The following RUNX2 variants were observed in gnomAD, a reference collection of about 807,000 sequenced individuals.
RUNX2 encodes the protein runt-related transcription factor 2.
In RUNX2, 10 loss-of-function variants were observed where a neutral mutation model predicts 51.7. The observed-to-expected ratio is 0.19, with a 90% CI of 0.12 to 0.33. The LOEUF (loss-of-function observed/expected upper bound fraction) is 0.33. Among genes scored for constraint, RUNX2 ranks in the 10% least tolerant of loss-of-function variants. The pLI is 1.00. For synonymous variants in RUNX2, 276 were observed against 273.6 expected (o/e 1.01, Z -0.09); for missense variants, 562 against 691.3 (o/e 0.81, Z 2.10).
At chr6:45,437,518 A>C (rs1302436095) in intron 4 of RUNX2, among the ~76,000 whole-genome samples, 1 of 152,214 alleles carries the variant, frequency 6.6e-6, no homozygotes, top group Non-Finnish European at 1.5e-5. Flanking sequence ...AGTAAATAAC[A>C]TAATCAACAA....
intron 2 of RUNX2, among the ~76,000 whole-genome samples, chr6:45,404,281 G>GA (rs1797785520): frequency 8.1e-4 from 62 of 76,190 alleles, no homozygotes; most frequent in South Asian, 2.6e-3. Flanking sequence ...AAAAGAAAAA[G>GA]AAAAAAGAAA....
At chr6:45,383,740 A>C (rs1797290536) in intron 2 of RUNX2, among the ~76,000 whole-genome samples, 1 of 152,246 alleles carries the variant, frequency 6.6e-6, no homozygotes, top group Non-Finnish European at 1.5e-5. Context: ...CTATTTCAGT[A>C]AATTATTCAA....
chr6:45,512,324 C>A lies in RUNX2; in HGVS notation c.938C>A (p.Pro313Gln), dbSNP rs535706340. The change falls in exon 7 of 9, where the codon CCG (proline) becomes CAG (glutamine). Residue 313 changes from proline (P) to glutamine (Q), a missense_variant. By Grantham distance (76) the Pro-to-Gln change is moderately conservative. Transcript: ENST00000647337. ...YPSYLSQMTS[P>Q]SIHSTTPLSS... Reference sequence around the variant, plus strand: ...TCCTACCTGAGCCAGATGACGTCCCCGTCCATCCACTCTACCACCCCGCTG... The same window carrying A: ...TCCTACCTGAGCCAGATGACGTCCCAGTCCATCCACTCTACCACCCCGCTG... 5.6e-6 allele frequency: 9 copies of A among 1,614,006 alleles called. No homozygotes were observed. The highest frequency in any genetic ancestry group is 6.8e-6 in the Non-Finnish European group (8 of 1,180,026).
chr6:45,473,852 A>C (rs1270046407), intron 5 of RUNX2, among the ~76,000 whole-genome samples: 2 of 152,178 alleles, frequency 1.3e-5, no homozygotes, highest in Non-Finnish European at 2.9e-5. Flanking sequence ...TGTGGGAATG[A>C]ATGTCAAGTT....
chr6:45,419,788 T>C (rs1232389528), intron 2 of RUNX2, among the ~76,000 whole-genome samples: 1 of 152,086 alleles, frequency 6.6e-6, no homozygotes, highest in Admixed American at 6.5e-5. Flanking sequence ...TCTCGCACCC[T>C]GGCGGCGCCC....
Position 45,492,760 on chromosome 6 carries a change from C to T in RUNX2, c.859+646C>T, listed in dbSNP as rs115236942. Among the ~76,000 whole-genome samples, 979 of 152,208 alleles carry T rather than the reference C, an allele frequency of 6.4e-3. 6 individuals are homozygous for T. Among genetic ancestry groups the T allele is most frequent in the African/African-American group, 0.022 (915 of 41,522 alleles). ...CATTCACATTTGGTGCATTAAGACC[C>T]CCAACTCTTTTCTTTTTGTCCCACT... On this transcript the variant is annotated intron_variant, in intron 6 of 8. Coordinates refer to ENST00000647337, the MANE Select transcript of RUNX2 (RefSeq NM_001024630.4).
chr6:45,347,767 A>T (rs192736168), intron 2 of RUNX2, among the ~76,000 whole-genome samples: 3,303 of 146,572 alleles, frequency 0.023, 38 homozygotes, highest in African/African-American at 0.026. Context: ...TCTTTTTTTT[A>T]AAAAAAAAAG....
chr6:45,486,900 T>C (rs934871151), intron 5 of RUNX2, among the ~76,000 whole-genome samples: 5 of 152,194 alleles, frequency 3.3e-5, no homozygotes, highest in Non-Finnish European at 5.9e-5. Context: ...CGTGTGCCAG[T>C]TTCAGATGTG....
intron 2 of RUNX2, among the ~76,000 whole-genome samples, chr6:45,337,889 G>C (rs540840312): frequency 6.6e-6 from 1 of 151,908 alleles, no homozygotes; most frequent in Admixed American, 6.6e-5. Context: ...TAGAGAAAAA[G>C]TATATTTAAG....
chr6:45,543,322 CAAAGCCT>C (rs1802288414), intron 7 of RUNX2, among the ~76,000 whole-genome samples: 1 of 152,198 alleles, frequency 6.6e-6, no homozygotes, highest in African/African-American at 2.4e-5. Context: ...CACTGTTCAG[CAAAGCCT>C]AATAGCCGAA....
intron 2 of RUNX2, among the ~76,000 whole-genome samples, chr6:45,390,552 T>C (rs1043154940): frequency 1.4e-4 from 21 of 152,366 alleles, no homozygotes; most frequent in African/African-American, 5.1e-4. Context: ...AGTGCTTTAA[T>C]GTTGACATAA....
At chr6:45,519,388 G>A (rs1801429464) in intron 7 of RUNX2, among the ~76,000 whole-genome samples, 1 of 152,008 alleles carries the variant, frequency 6.6e-6, no homozygotes, top group Admixed American at 6.6e-5. Flanking sequence ...TTGATACATT[G>A]TTATGAAATA....
At chr6:45,528,149 A>G (rs1187927631) in intron 7 of RUNX2, among the ~76,000 whole-genome samples, 1 of 151,954 alleles carries the variant, frequency 6.6e-6, no homozygotes, top group African/African-American at 2.4e-5. Context: ...GAAGAGACCC[A>G]CCCCCATGAT....
intron 4 of RUNX2, among the ~76,000 whole-genome samples, chr6:45,434,209 A>G (rs1409353085): frequency 6.6e-6 from 1 of 152,206 alleles, no homozygotes; most frequent in Non-Finnish European, 1.5e-5. Context: ...TGAAAAAAAA[A>G]TGGGTCAGTT....
intron 7 of RUNX2, among the ~76,000 whole-genome samples, chr6:45,516,545 A>G (rs924109658): frequency 1.3e-5 from 2 of 152,246 alleles, no homozygotes; most frequent in South Asian, 2.1e-4. Flanking sequence ...TCTGTATTTA[A>G]GTAGCACTCC....
At chr6:45,484,606 C>T (rs1205558051) in intron 5 of RUNX2, among the ~76,000 whole-genome samples, 7 of 152,108 alleles carry the variant, frequency 4.6e-5, no homozygotes, top group Non-Finnish European at 5.9e-5. Flanking sequence ...GAGAACTTTG[C>T]GTGGCTTTCC....
chr6:45,445,743 T>C (rs1405977350), intron 5 of RUNX2, among the ~76,000 whole-genome samples: 1 of 151,994 alleles, frequency 6.6e-6, no homozygotes, highest in Non-Finnish European at 1.5e-5. Flanking sequence ...TAAAACATCG[T>C]TGAAAATCTT....
chr6:45,496,506 C>T (rs1011479312), intron 6 of RUNX2, among the ~76,000 whole-genome samples: 1 of 152,122 alleles, frequency 6.6e-6, no homozygotes, highest in Non-Finnish European at 1.5e-5. Flanking sequence ...AGGATAATTG[C>T]TAGGTAACAA....
In RUNX2 at chr6:45,401,035, C is replaced by T. The variant is rs539598930; in HGVS notation, c.59-21558C>T. Among the ~76,000 whole-genome samples, 16 of 152,186 alleles carry T rather than the reference C, an allele frequency of 1.1e-4. No homozygotes were observed. The East Asian group carries it at 3.1e-3, about 29-fold the overall frequency. On this transcript the variant is annotated intron_variant, in intron 2 of 8. Coordinates refer to ENST00000647337, the MANE Select transcript of RUNX2 (RefSeq NM_001024630.4). ...TTTGCTGTTTAAAAACAACTTTCAG[C>T]TTTGCTATTTATTGGAAATTTTTCG...
Sources: gnomAD v4.1 joint callset for allele counts (sites outside exome capture counted in the v4.1 genomes callset) on GRCh38, gnomAD v4.1.1 for gene constraint, MANE v1.5 for transcripts, NCBI Gene and HGNC (gene_info 2026-07-23, HGNC 2026-07-21) for gene names.